Variants in MALRD1 observed in about 807,000 individuals in gnomAD.
MALRD1 encodes MAM and LDL-receptor class A domain-containing protein 1.
MALRD1 carries 247 observed loss-of-function variants against 242.1 expected under a neutral mutation model. The observed-to-expected ratio is 1.02, with a 90% confidence interval of 0.92 to 1.13. The LOEUF (loss-of-function observed/expected upper bound fraction) is 1.13, where lower values mean the gene tolerates loss of function less well. Among genes scored for constraint, MALRD1 ranks in the 50% most tolerant of loss-of-function variants. The probability of loss-of-function intolerance (pLI) is 0.00; values close to 1 mark genes in which losing one functional copy is unlikely to be tolerated. For synonymous variants in MALRD1, 995 were observed against 866.6 expected (o/e 1.15, Z -2.60); for missense variants, 2,989 against 2,533.1 (o/e 1.18, Z -3.86).
intron 35 of MALRD1, among the ~76,000 whole-genome samples, chr10:19,609,585 C>G (rs1014398342): frequency 6.6e-6 from 1 of 152,016 alleles, no homozygotes; most frequent in Non-Finnish European, 1.5e-5. Flanking sequence ...TCTGGCCTCA[C>G]CTACCTTGAG....
chr10:19,338,011 A>G (rs1459334519), intron 24 of MALRD1, among the ~76,000 whole-genome samples: 2 of 151,670 alleles, frequency 1.3e-5, no homozygotes, highest in Non-Finnish European at 2.9e-5. Context: ...GTAGTGAGCC[A>G]AGATCACGCC....
At chr10:19,277,420 C>T (rs999556733) in intron 19 of MALRD1, among the ~76,000 whole-genome samples, 3 of 152,156 alleles carry the variant, frequency 2.0e-5, no homozygotes, top group African/African-American at 7.2e-5. Context: ...TATTCCTGGT[C>T]TCTCTTCATC....
intron 26 of MALRD1, among the ~76,000 whole-genome samples, chr10:19,365,659 T>TAAAAA (rs199989681): frequency 8.1e-6 from 1 of 122,920 alleles, no homozygotes; most frequent in Non-Finnish European, 1.7e-5. Context: ...TTATAAATTC[T>TAAAAA]AAAAAAAAAA....
chr10:19,721,573 C>G (rs894758906), intron 38 of MALRD1: 1 of 152,082 alleles, frequency 6.6e-6, no homozygotes, highest in Non-Finnish European at 1.5e-5. Context: ...TCACATACTT[C>G]ACAACCTGAA....
At chr10:19,146,132 G>C in intron 10 of MALRD1, 66 bp from the exon 11 acceptor site, 1 of 1,170,926 alleles carries the variant, frequency 8.5e-7, no homozygotes, top group Non-Finnish European at 1.1e-6. Flanking sequence ...ATTAGCTAGC[G>C]TAGAGCAGTG....
intron 1 of MALRD1, among the ~76,000 whole-genome samples, chr10:19,060,930 A>G (rs780467410): frequency 1.1e-4 from 16 of 152,178 alleles, no homozygotes; most frequent in Admixed American, 2.0e-4. Flanking sequence ...GTGAAATACT[A>G]TGTAGCCATA....
intron 19 of MALRD1, among the ~76,000 whole-genome samples, chr10:19,260,777 G>A (rs1228178505): frequency 6.6e-6 from 1 of 152,154 alleles, no homozygotes; most frequent in African/African-American, 2.4e-5. Context: ...AATTGAAAAG[G>A]AGATAACCTG....
At chr10:19,140,724 A>T (rs190016897) in intron 10 of MALRD1, among the ~76,000 whole-genome samples, 9 of 152,266 alleles carry the variant, frequency 5.9e-5, no homozygotes, top group Admixed American at 2.6e-4. Flanking sequence ...TCACTTATAC[A>T]TGGAATCTAA....
chr10:19,433,937 G>A (rs1424670698), intron 28 of MALRD1, among the ~76,000 whole-genome samples: 1 of 152,056 alleles, frequency 6.6e-6, no homozygotes, highest in East Asian at 1.9e-4. Context: ...GTGTTTGTGG[G>A]AATGAAAGAG....
At chr10:19,651,949 G>A (rs1257704214) in intron 36 of MALRD1, among the ~76,000 whole-genome samples, 1 of 152,206 alleles carries the variant, frequency 6.6e-6, no homozygotes, top group Non-Finnish European at 1.5e-5. Flanking sequence ...ATGAAGCCAG[G>A]CACAAGGGCC....
intron 31 of MALRD1, among the ~76,000 whole-genome samples, chr10:19,510,726 G>A (rs1454974394): frequency 6.6e-6 from 1 of 152,174 alleles, no homozygotes; most frequent in Non-Finnish European, 1.5e-5. Context: ...TTTCTACATA[G>A]ACACAGTAAC....
At chr10:19,659,912 G>A (rs1841344537) in intron 36 of MALRD1, among the ~76,000 whole-genome samples, 3 of 152,136 alleles carry the variant, frequency 2.0e-5, no homozygotes, top group South Asian at 4.2e-4. Context: ...TAAATAACAG[G>A]TATTGAATTT....
chr10:19,607,435 C>G (rs1458770916), intron 34 of MALRD1, among the ~76,000 whole-genome samples: 1 of 152,074 alleles, frequency 6.6e-6, no homozygotes, highest in Admixed American at 6.6e-5. Context: ...ATGTCTCTCT[C>G]TTCTTATAAC....
chr10:19,485,858 A>T (rs892372732), intron 29 of MALRD1, among the ~76,000 whole-genome samples: 1 of 152,066 alleles, frequency 6.6e-6, no homozygotes, highest in African/African-American at 2.4e-5. Flanking sequence ...TAAAATACTG[A>T]AACAACTCTA....
At chr10:19,075,649 A>G (rs898950762) in intron 2 of MALRD1, among the ~76,000 whole-genome samples, 6 of 152,054 alleles carry the variant, frequency 3.9e-5, no homozygotes, top group African/African-American at 1.4e-4. Flanking sequence ...AACCACTTCA[A>G]TGAGCTTGAA....
intron 28 of MALRD1, among the ~76,000 whole-genome samples, chr10:19,412,858 T>C (rs1222067597): frequency 1.3e-5 from 2 of 152,226 alleles, no homozygotes; most frequent in Admixed American, 1.3e-4. Context: ...TATCACTGTT[T>C]TCTCTCATAG....
chr10:19,551,505 T>A (rs7912509), intron 32 of MALRD1, among the ~76,000 whole-genome samples: 22,333 of 152,182 alleles, frequency 0.15, 5,057 homozygotes, highest in African/African-American at 0.49. Flanking sequence ...GCTTTTGCAC[T>A]GAGACAGTGG....
At chr10:19,455,468 A>G (rs1449225798) in intron 29 of MALRD1, among the ~76,000 whole-genome samples, 1 of 152,206 alleles carries the variant, frequency 6.6e-6, no homozygotes, top group African/African-American at 2.4e-5. Context: ...CCCATTTGCT[A>G]TCTGCTGTAT....
intron 18 of MALRD1, among the ~76,000 whole-genome samples, chr10:19,210,615 A>C (rs1288356729): frequency 1.3e-5 from 2 of 152,222 alleles, no homozygotes; most frequent in Non-Finnish European, 2.9e-5. Context: ...TTAGTTACCC[A>C]AATTTAAAGC....
Sources: allele counts gnomAD v4.1 joint callset (sites outside exome capture counted in the v4.1 genomes callset), GRCh38; gene constraint gnomAD v4.1.1; transcripts MANE v1.5; gene names NCBI Gene and HGNC (gene_info 2026-07-23, HGNC 2026-07-21).